The following TUBD1 variants were observed in gnomAD, a reference collection of about 807,000 sequenced individuals.
TUBD1 encodes tubulin delta chain.
A neutral mutation model predicts 51.2 loss-of-function variants in TUBD1; 38 were observed. The ratio of observed to expected loss-of-function variants is 0.74; its 90% CI spans 0.57 to 0.97. The LOEUF is 0.97. Ranked by LOEUF, TUBD1 falls within the 50% of genes least tolerant of loss-of-function variation. The pLI is 0.00. For synonymous variants in TUBD1, 169 were observed against 178.2 expected (o/e 0.95, Z 0.41); for missense variants, 489 against 538.4 (o/e 0.91, Z 0.91).
intron 6 of TUBD1, among the ~76,000 whole-genome samples, chr17:59,870,145 G>A (rs1047407979): frequency 6.6e-6 from 1 of 151,872 alleles, no homozygotes; most frequent in Non-Finnish European, 1.5e-5. Context: ...TGGATCACTT[G>A]AGGTCAGGAG....
chr17:59,874,062 G>A (rs2040117240), intron 6 of TUBD1, among the ~76,000 whole-genome samples: 1 of 150,710 alleles, frequency 6.6e-6, no homozygotes, highest in East Asian at 2.0e-4. Context: ...GGTGGCAGGC[G>A]CCTGTAGTCC....
chr17:59,862,090 A>G (rs1363750870), intron 8 of TUBD1, among the ~76,000 whole-genome samples: 3 of 150,758 alleles, frequency 2.0e-5, no homozygotes, highest in African/African-American at 7.3e-5. Flanking sequence ...TTGGGAGGCC[A>G]AGGTGGGCGG....
At chr17:59,884,208 C>A (rs1482741528) in intron 3 of TUBD1, among the ~76,000 whole-genome samples, 1 of 150,644 alleles carries the variant, frequency 6.6e-6, no homozygotes, top group Non-Finnish European at 1.5e-5. Context: ...TTGCAGTGAG[C>A]CGAAATTGCA....
At chr17:59,863,095 A>C (rs888523083) in intron 8 of TUBD1, among the ~76,000 whole-genome samples, 2 of 152,148 alleles carry the variant, frequency 1.3e-5, no homozygotes, top group African/African-American at 4.8e-5. Flanking sequence ...AATGTCAAAC[A>C]ATTACTGAGC....
chr17:59,889,203 G>A (rs1462357498), intron 2 of TUBD1, among the ~76,000 whole-genome samples: 1 of 150,046 alleles, frequency 6.7e-6, no homozygotes, highest in Non-Finnish European at 1.5e-5. Context: ...TAGTCGAGAC[G>A]GGGTTTTACC....
chr17:59,886,168 T>C lies in TUBD1; in HGVS notation c.235A>G (p.Lys79Glu), dbSNP rs778006398. The part of the protein sequence containing the change: ...EPKVINQMLS[K>E]AAQSGQWKYG... ...TTCCATTGGCCAGACTGGGCAGCCT[T>C]TGACAGCATTTGATTGATAACTTTG... The change falls in exon 3 of 9, where the codon AAG becomes GAG. Residue 79 changes from lysine (K) to glutamate (E), a missense_variant. Transcript: ENST00000325752. 1.2e-6 allele frequency: 2 copies of C among 1,614,052 alleles called. No individual in the cohort carries two copies. The highest frequency in any genetic ancestry group is 2.2e-5 in the South Asian group (2 of 91,078).
At chr17:59,867,068 T>A (rs1488174346) in intron 6 of TUBD1, among the ~76,000 whole-genome samples, 1 of 152,174 alleles carries the variant, frequency 6.6e-6, no homozygotes, top group Non-Finnish European at 1.5e-5. Flanking sequence ...ATGCTGGGAT[T>A]ACAGGCGTGA....
At chr17:59,877,060 G>A (rs574537881) in intron 5 of TUBD1, among the ~76,000 whole-genome samples, 1 of 151,376 alleles carries the variant, frequency 6.6e-6, no homozygotes, top group Non-Finnish European at 1.5e-5. Flanking sequence ...GGGTTTCACC[G>A]TATTGGCCAG....
At position 59,879,999 on chromosome 17, in the gene TUBD1, C is replaced by T. The variant is rs570484237; in HGVS notation, c.537+895G>A. Among the ~76,000 whole-genome samples, 9 of 152,096 alleles carry T rather than the reference C, an allele frequency of 5.9e-5. No homozygotes were observed. In the South Asian group the frequency reaches 1.5e-3, roughly 25 times the overall value. ...AACTTCTGACCTCAGGTGATCCATC[C>T]GCCTCGGCCTCCCAAAGTGCTGGGA... On this transcript the variant is annotated intron_variant, in intron 4 of 8. Transcript: ENST00000325752.
At chr17:59,881,135 C>T in intron 3 of TUBD1, 25 bp from the exon 4 acceptor site, 1 of 1,545,624 alleles carries the variant, frequency 6.5e-7, no homozygotes, top group Non-Finnish European at 8.9e-7. Context: ...AAGAAACAAA[C>T]ACAAACACTT....
intron 8 of TUBD1, 50 bp from the exon 9 acceptor site, chr17:59,860,474 C>A: frequency 8.4e-7 from 1 of 1,185,254 alleles, no homozygotes; most frequent in African/African-American, 1.6e-5. Flanking sequence ...AAATGTCTGG[C>A]AAATGAGTAA....
At chr17:59,862,455 T>C (rs1242790175) in intron 8 of TUBD1, among the ~76,000 whole-genome samples, 2 of 152,188 alleles carry the variant, frequency 1.3e-5, no homozygotes, top group Non-Finnish European at 2.9e-5. Flanking sequence ...CATTTCTTAG[T>C]ATCAAACCAA....
In TUBD1 at chr17:59,860,364, G is replaced by C; in HGVS notation, c.1320C>G (p.Phe440Leu). 4 of 1,609,382 alleles carry C rather than the reference G, an allele frequency of 2.5e-6. No homozygotes were observed. The highest frequency in any genetic ancestry group is 2.7e-5 in the African/African-American group (2 of 74,432). The change falls in exon 9 of 9, where the codon TTC (phenylalanine) becomes TTG (leucine). Residue 440 changes from phenylalanine to leucine, a missense_variant. Transcript: ENST00000325752. ...TGGCAACAACCTGCTCTAATGACGT[G>C]AAACTGTCTAAAAAGTCCTCTTCTT... ...GIEEEDFLDS[F>L]TSLEQVVASY...
chr17:59,892,518 T>C (rs1460324121), intron 1 of TUBD1, among the ~76,000 whole-genome samples, 179 bp downstream of exon 1: 1 of 152,216 alleles, frequency 6.6e-6, no homozygotes, highest in Non-Finnish European at 1.5e-5. Context: ...ACAGACTCTG[T>C]GCTTAAAATG....
intron 2 of TUBD1, 177 bp from the exon 3 acceptor site, chr17:59,886,407 T>A: frequency 1.6e-6 from 1 of 622,236 alleles, no homozygotes; most frequent in Non-Finnish European, 2.7e-6. Context: ...AGCAGGCATA[T>A]GCAGATGTTC....
intron 8 of TUBD1, 118 bp from the exon 9 acceptor site, chr17:59,860,542 G>C: frequency 1.5e-6 from 1 of 646,112 alleles, no homozygotes. Context: ...TCACACAATC[G>C]TTCAGAAGTC....
chr17:59,860,500 CAG>C (rs2144399882), intron 8 of TUBD1, 76 bp from the exon 9 acceptor site: 1 of 867,968 alleles, frequency 1.2e-6, no homozygotes, highest in African/African-American at 1.7e-5. Flanking sequence ...AAACAATAAA[CAG>C]ACCTTTTCTA....
At chr17:59,878,470 A>C (rs1377697863) in intron 4 of TUBD1, 136 bp from the exon 5 acceptor site, 6 of 618,502 alleles carry the variant, frequency 9.7e-6, no homozygotes, top group Non-Finnish European at 1.7e-5. Flanking sequence ...CAAGTTTTTT[A>C]ATCTCTATGC....
intron 6 of TUBD1, among the ~76,000 whole-genome samples, chr17:59,871,511 T>C (rs569497825): frequency 2.0e-5 from 3 of 152,264 alleles, no homozygotes; most frequent in African/African-American, 4.8e-5. Flanking sequence ...ATGAAGATAT[T>C]TGTAGCCTCA....
Sources: allele counts gnomAD v4.1 joint callset (sites outside exome capture counted in the v4.1 genomes callset), GRCh38; gene constraint gnomAD v4.1.1; transcripts MANE v1.5; gene names NCBI Gene and HGNC (gene_info 2026-07-23, HGNC 2026-07-21).